Variants in CLEC16A observed in about 807,000 individuals in gnomAD.
CLEC16A encodes protein CLEC16A.
CLEC16A carries 51 observed loss-of-function variants against 109.5 expected under a neutral mutation model. That is an observed-to-expected ratio of 0.47 (90% CI 0.37 to 0.59). The LOEUF (loss-of-function observed/expected upper bound fraction) is 0.59. Ranked by LOEUF, CLEC16A falls within the 20% of genes least tolerant of loss-of-function variation. The pLI is 0.00. For missense variants in CLEC16A, 1,339 were observed against 1,394.0 expected (o/e 0.96, Z 0.63); for synonymous variants, 673 against 564.2 (o/e 1.19, Z -2.73).
chr16:11,020,940 T>C (rs1026800807), intron 12 of CLEC16A, among the ~76,000 whole-genome samples: 3 of 152,244 alleles, frequency 2.0e-5, no homozygotes, highest in African/African-American at 7.2e-5. Flanking sequence ...CAGCGTATGC[T>C]GGTAGCTGGT....
Position 11,010,560 on chromosome 16 carries a change from C to A in CLEC16A, c.1303+7255C>A, listed in dbSNP as rs865901472. Among the ~76,000 whole-genome samples, 4 of 152,150 alleles carry A rather than the reference C, an allele frequency of 2.6e-5. No individual in the cohort carries two copies. The South Asian group carries it at 6.2e-4, about 24-fold the overall frequency. On this transcript the variant is annotated intron_variant, in intron 11 of 23. Transcript: ENST00000409790. Reference sequence around the variant, plus strand: ...TATTGTATTTTCTCTGTCTGCACACCCGCCCCACACACCCCACGCACATTC... The same window carrying A: ...TATTGTATTTTCTCTGTCTGCACACACGCCCCACACACCCCACGCACATTC...
chr16:11,111,598 C>T (rs1028101631), intron 19 of CLEC16A, among the ~76,000 whole-genome samples: 2 of 152,220 alleles, frequency 1.3e-5, no homozygotes, highest in African/African-American at 4.8e-5. Flanking sequence ...CTGTGGCCAT[C>T]TTTGGAAAGT....
chr16:11,008,926 G>A (rs1365854060), intron 11 of CLEC16A, among the ~76,000 whole-genome samples: 1 of 152,022 alleles, frequency 6.6e-6, no homozygotes, highest in East Asian at 1.9e-4. Flanking sequence ...GTGAACCCGG[G>A]AGGCGGAGCT....
At chr16:11,028,990 C>T (rs1327850287) in intron 13 of CLEC16A, among the ~76,000 whole-genome samples, 1 of 152,094 alleles carries the variant, frequency 6.6e-6, no homozygotes, top group Non-Finnish European at 1.5e-5. Flanking sequence ...CTTTTGGATT[C>T]CTTCCCCCAT....
intron 22 of CLEC16A, among the ~76,000 whole-genome samples, chr16:11,161,053 C>T (rs1339000408): frequency 6.6e-6 from 1 of 152,242 alleles, no homozygotes. Flanking sequence ...TGAGAGACAG[C>T]TTACAATATC....
intron 11 of CLEC16A, among the ~76,000 whole-genome samples, chr16:11,019,127 AT>A (rs2045940866): frequency 6.6e-6 from 1 of 152,146 alleles, no homozygotes; most frequent in Non-Finnish European, 1.5e-5. Flanking sequence ...ACATTTTGTC[AT>A]CTCTTTTAAC....
intron 10 of CLEC16A, among the ~76,000 whole-genome samples, chr16:10,993,916 G>A (rs916107264): frequency 6.6e-6 from 1 of 152,222 alleles, no homozygotes; most frequent in African/African-American, 2.4e-5. Flanking sequence ...CTGGGATGGG[G>A]AAGGCAAGGG....
At chr16:10,986,568 A>C (rs1249303204) in intron 10 of CLEC16A, among the ~76,000 whole-genome samples, 1 of 152,164 alleles carries the variant, frequency 6.6e-6, no homozygotes, top group Non-Finnish European at 1.5e-5. Flanking sequence ...CAGCCCCAGC[A>C]ATCACCATTC....
intron 13 of CLEC16A, among the ~76,000 whole-genome samples, chr16:11,028,152 A>G (rs1251141614): frequency 2.0e-5 from 3 of 152,230 alleles, no homozygotes; most frequent in Non-Finnish European, 4.4e-5. Context: ...GTGAGCTGAG[A>G]TCACGCCATT....
At chr16:11,167,485 A>C (rs1025357047) in intron 23 of CLEC16A, among the ~76,000 whole-genome samples, 8 of 152,154 alleles carry the variant, frequency 5.3e-5, no homozygotes, top group African/African-American at 1.9e-4. Flanking sequence ...GACACGGGCT[A>C]CTGCAGAGCC....
intron 11 of CLEC16A, among the ~76,000 whole-genome samples, chr16:11,011,640 C>T (rs531923870): frequency 2.0e-5 from 3 of 152,272 alleles, no homozygotes; most frequent in South Asian, 4.1e-4. Flanking sequence ...ACTGGATGTG[C>T]TCATCGCTAC....
At chr16:11,071,390 G>A (rs2049061698) in intron 19 of CLEC16A, among the ~76,000 whole-genome samples, 1 of 152,128 alleles carries the variant, frequency 6.6e-6, no homozygotes, top group African/African-American at 2.4e-5. Flanking sequence ...TTTCAAGAAT[G>A]TAAATGTTGT....
At position 11,084,078 on chromosome 16, in the gene CLEC16A, G is replaced by C. The variant is rs565643667; in HGVS notation, c.2116+23056G>C. Among the ~76,000 whole-genome samples, 8 of 152,170 alleles carry C rather than the reference G, an allele frequency of 5.3e-5. No individual in the cohort carries two copies. The East Asian group carries it at 1.4e-3, about 26-fold the overall frequency. ...GCCCTCTCTCCAGCCCCGCGGCCTG[G>C]CTCTGGGATGTACCCATACCACCCC... On this transcript the variant is annotated intron_variant, in intron 19 of 23. Transcript: ENST00000409790.
At chr16:11,054,352 G>A (rs1335792113) in intron 18 of CLEC16A, among the ~76,000 whole-genome samples, 1 of 152,226 alleles carries the variant, frequency 6.6e-6, no homozygotes, top group Non-Finnish European at 1.5e-5. Flanking sequence ...CCTTTCCAGA[G>A]TTATCGTGAG....
chr16:11,180,975 G>T lies in CLEC16A; in HGVS notation c.*2285G>T, dbSNP rs983873212. On this transcript the variant is annotated 3_prime_UTR_variant, in exon 24 of 24. Transcript: ENST00000409790. ...CCCTGCATCCCTGGCCAAGAAAAGG[G>T]CAGTCCCCATGTGGGCTTGCAGGGT... The T allele has an allele frequency of 6.6e-6, 1 of 152,404 alleles. No homozygotes were observed. Among genetic ancestry groups the T allele is most frequent in the Non-Finnish European group, 1.5e-5 (1 of 68,194 alleles). The allele number at this position is 152,404 out of a possible 1,614,324, so 9.4% of individuals were successfully genotyped here. A position where few individuals can be genotyped will look rare whatever the true frequency, so the allele number is the denominator to read the frequency against.
At chr16:10,977,574 T>G (rs7197899) in intron 8 of CLEC16A, among the ~76,000 whole-genome samples, 175 bp downstream of exon 8, 27,890 of 152,050 alleles carry the variant, frequency 0.18, 2,800 homozygotes, top group South Asian at 0.31. Context: ...AGTGCAGTGG[T>G]GCGATCTTGG....
At chr16:11,158,827 G>A (rs369983369) in intron 22 of CLEC16A, among the ~76,000 whole-genome samples, 83 of 152,098 alleles carry the variant, frequency 5.5e-4, no homozygotes, top group African/African-American at 1.9e-3. Context: ...GACTGAGGCA[G>A]GAGAATTGCT....
Position 10,944,722 on chromosome 16 carries a change from T to C in CLEC16A, c.5T>C (p.Phe2Ser), listed in dbSNP as rs1334108000. 2 of 1,606,998 alleles carry C rather than the reference T, an allele frequency of 1.2e-6. No homozygotes were observed. Among genetic ancestry groups the C allele is most frequent in the Non-Finnish European group, 1.7e-6 (2 of 1,177,622 alleles). Residue 2 changes from phenylalanine to serine, a missense_variant, in exon 1 of 24, where the codon TTT becomes TCT. Physicochemically the swap from Phe to Ser is radical, Grantham distance 155. This residue lies in a region of CLEC16A where 117 missense variants were observed against 120.2 expected (regional missense o/e 0.97). Coordinates refer to ENST00000409790, the MANE Select transcript of CLEC16A (RefSeq NM_015226.3). ...AGACGGGTCGGGGCCGCCGACATGT[T>C]TGGCCGCTCGCGGAGCTGGGTGGGC... MFGRSRSWVGGG... is the reference protein window; with the variant it reads MSGRSRSWVGGG...
At chr16:11,123,613 T>C in intron 20 of CLEC16A, 129 bp from the exon 21 acceptor site, 1 of 861,490 alleles carries the variant, frequency 1.2e-6, no homozygotes, top group South Asian at 1.6e-5. Context: ...CTTGGGAGGC[T>C]GTCGATCTTA....
Sources: allele counts gnomAD v4.1 joint callset (sites outside exome capture counted in the v4.1 genomes callset), GRCh38; gene constraint gnomAD v4.1.1; regional missense constraint gnomAD v4.1.1; transcripts MANE v1.5; gene names NCBI Gene and HGNC (gene_info 2026-07-23, HGNC 2026-07-21).